Variants in CPA6 observed in about 807,000 individuals in gnomAD.
The protein encoded by CPA6 is carboxypeptidase A6, also known as carboxypeptidase B.
CPA6 carries 58 observed loss-of-function variants against 63.3 expected under a neutral mutation model. That is an observed-to-expected ratio of 0.92 (90% CI 0.74 to 1.14). The LOEUF (loss-of-function observed/expected upper bound fraction) is 1.14. CPA6 is among the 50% of genes most tolerant of loss of function. CPA6 has a pLI of 0.00. For missense variants in CPA6, 565 were observed against 526.6 expected, an observed-to-expected ratio of 1.07 and a Z score of -0.71; for synonymous variants, 185 against 179.0, an observed-to-expected ratio of 1.03 and a Z score of -0.27.
intron 2 of CPA6, among the ~76,000 whole-genome samples, chr8:67,550,581 A>G (rs1463204139): frequency 6.6e-6 from 1 of 152,192 alleles, no homozygotes. Context: ...GCTGGGTGAA[A>G]TGGTAGTCCT....
intron 8 of CPA6, among the ~76,000 whole-genome samples, chr8:67,474,261 G>A (rs189944891): frequency 6.6e-6 from 1 of 151,692 alleles, no homozygotes; most frequent in African/African-American, 2.4e-5. Flanking sequence ...TTGCTCTGTC[G>A]CCCAGACTTG....
intron 1 of CPA6, among the ~76,000 whole-genome samples, chr8:67,673,191 C>T (rs181252880): frequency 6.3e-4 from 96 of 152,084 alleles, no homozygotes; most frequent in Non-Finnish European, 1.1e-3. Context: ...TTACATTCAC[C>T]TCTCTTCTCT....
intron 1 of CPA6, among the ~76,000 whole-genome samples, chr8:67,704,349 G>T (rs539371016): frequency 6.6e-6 from 1 of 152,210 alleles, no homozygotes; most frequent in Non-Finnish European, 1.5e-5. Flanking sequence ...CCTTGTAGCA[G>T]TTAGCTGAAA....
intron 1 of CPA6, among the ~76,000 whole-genome samples, chr8:67,726,237 C>T (rs1817594348): frequency 6.6e-6 from 1 of 152,234 alleles, no homozygotes; most frequent in South Asian, 2.1e-4. Context: ...GTGATGTCTA[C>T]TCAAACAGTG....
chr8:67,711,784 C>G (rs1817267578), intron 1 of CPA6, among the ~76,000 whole-genome samples: 1 of 151,834 alleles, frequency 6.6e-6, no homozygotes, highest in South Asian at 2.1e-4. Flanking sequence ...AAGAGGGAGT[C>G]TAATCACGAG....
At chr8:67,712,583 A>T (rs2129000486) in intron 1 of CPA6, among the ~76,000 whole-genome samples, 1 of 152,244 alleles carries the variant, frequency 6.6e-6, no homozygotes, top group Non-Finnish European at 1.5e-5. Context: ...GGGATATGAG[A>T]ATTCCTTCCA....
rs534142491 is a variant in CPA6 at position 67,693,310 on chromosome 8, T to G, written c.116+52704A>C. ...AAGGCAAACGAGCTTAATTGGGCTG[T>G]TTTCAATCCCCTAAGTGTATAAACT... On this transcript the variant is annotated intron_variant, in intron 1 of 10. Coordinates refer to ENST00000297770, the MANE Select transcript of CPA6 (RefSeq NM_020361.5). Among the ~76,000 whole-genome samples the G allele has an allele frequency of 9.8e-5, 15 of 152,290 alleles. No individual in the cohort carries two copies. The South Asian group carries it at 2.7e-3, about 27-fold the overall frequency.
intron 1 of CPA6, chr8:67,735,619 G>T (rs1381577325): frequency 6.6e-6 from 1 of 151,196 alleles, no homozygotes; most frequent in Non-Finnish European, 1.5e-5. Context: ...ATTATATTCT[G>T]ATTTACAAAG....
At chr8:67,638,286 C>T (rs1815515273) in intron 1 of CPA6, among the ~76,000 whole-genome samples, 1 of 151,390 alleles carries the variant, frequency 6.6e-6, no homozygotes, top group South Asian at 2.1e-4. Flanking sequence ...AGGAGGAAAA[C>T]TTGTTTGTCT....
chr8:67,562,475 A>G (rs1306517081), intron 2 of CPA6, among the ~76,000 whole-genome samples: 2 of 152,152 alleles, frequency 1.3e-5, no homozygotes, highest in African/African-American at 2.4e-5. Context: ...GGCAGATGCT[A>G]TTACCAATGC....
rs184851245 is a variant in CPA6, at chr8:67,701,908, C to T, written c.116+44106G>A. The stretch of plus-strand genomic sequence containing the variant: ...TGCAGTCGCTTACAATTCAGTGGCT[C>T]CCAATCCTCATTTCCACCCAAGGAC... On this transcript the variant is annotated intron_variant, in intron 1 of 10. Coordinates refer to ENST00000297770, the MANE Select transcript of CPA6 (RefSeq NM_020361.5). Among the ~76,000 whole-genome samples the T allele has an allele frequency of 6.6e-5, 10 of 152,264 alleles. No individual in the cohort carries two copies. In the East Asian group the frequency reaches 1.9e-3, roughly 29 times the overall value.
At chr8:67,431,246 A>ATT (rs201908476) in intron 9 of CPA6, among the ~76,000 whole-genome samples, 13 of 148,400 alleles carry the variant, frequency 8.8e-5, no homozygotes, top group Non-Finnish European at 1.5e-5. Context: ...TCATATGATA[A>ATT]TTTTTTTTTT....
chr8:67,701,594 T>G (rs1817026129), intron 1 of CPA6, among the ~76,000 whole-genome samples: 1 of 152,206 alleles, frequency 6.6e-6, no homozygotes. Context: ...CTAAACTGCA[T>G]CTAACCTGAC....
intron 2 of CPA6, among the ~76,000 whole-genome samples, chr8:67,571,214 C>T (rs188804337): frequency 5.3e-5 from 8 of 152,226 alleles, no homozygotes; most frequent in Admixed American, 4.6e-4. Context: ...CAAATATTAA[C>T]GGATCTGAAG....
At chr8:67,524,531 G>C (rs769564354) in intron 2 of CPA6, among the ~76,000 whole-genome samples, 18 of 151,970 alleles carry the variant, frequency 1.2e-4, no homozygotes, top group Non-Finnish European at 5.9e-5. Flanking sequence ...TCTTCCCATG[G>C]TCTTCTCTTC....
At chr8:67,531,575 C>T (rs1387201966) in intron 2 of CPA6, among the ~76,000 whole-genome samples, 2 of 151,954 alleles carry the variant, frequency 1.3e-5, no homozygotes, top group East Asian at 1.9e-4. Context: ...CATATGTATG[C>T]TCCTATGTAC....
At chr8:67,545,751 C>T (rs1044343183) in intron 2 of CPA6, among the ~76,000 whole-genome samples, 1 of 151,636 alleles carries the variant, frequency 6.6e-6, no homozygotes, top group Non-Finnish European at 1.5e-5. Context: ...TTAGTAGAGA[C>T]AGGGTTTCTC....
At chr8:67,658,353 G>A (rs967016066) in intron 1 of CPA6, among the ~76,000 whole-genome samples, 22 of 152,148 alleles carry the variant, frequency 1.4e-4, no homozygotes, top group African/African-American at 5.3e-4. Context: ...ACCTTGGTGT[G>A]CCCAGAACCT....
At chr8:67,596,873 T>TTA (rs1466914258) in intron 2 of CPA6, among the ~76,000 whole-genome samples, 1 of 152,296 alleles carries the variant, frequency 6.6e-6, no homozygotes, top group Middle Eastern at 3.4e-3. Flanking sequence ...CAATTTGGGT[T>TTA]TATCTGATAT....
Sources: gnomAD v4.1 joint callset for allele counts (sites outside exome capture counted in the v4.1 genomes callset) on GRCh38, gnomAD v4.1.1 for gene constraint, MANE v1.5 for transcripts, NCBI Gene and HGNC (gene_info 2026-07-23, HGNC 2026-07-21) for gene names.